STAG2: variants seen among roughly 807,000 people sequenced by gnomAD.
STAG2 encodes the protein cohesin subunit SA-2.
STAG2 carries 14 observed loss-of-function variants against 108.1 expected under a neutral mutation model. The ratio of observed to expected loss-of-function variants is 0.13; its 90% CI spans 0.09 to 0.20. The LOEUF is 0.20. STAG2 is among the 10% of genes least tolerant of loss of function. STAG2 has a pLI of 1.00. For synonymous variants in STAG2, 307 were observed against 302.7 expected (o/e 1.01, Z -0.15); for missense variants, 440 against 940.9 (o/e 0.47, Z 6.96).
upstream of STAG2, chrX:123,961,176 C>G (rs928349351): frequency 4.7e-5 from 5 of 107,148 alleles, no homozygotes; most frequent in South Asian, 4.2e-4. Flanking sequence ...TTCCAGCCCC[C>G]CTTCCTCCCT....
chrX:124,099,076 TTC>T (rs1219898418), intron 34 of STAG2, among the ~76,000 whole-genome samples: 1 of 111,980 alleles, frequency 8.9e-6, no homozygotes, highest in Non-Finnish European at 1.9e-5. Context: ...TGTGTTGAGA[TTC>T]TCTTATTAGA....
At chrX:124,064,493 G>A (rs906461346) in intron 20 of STAG2, among the ~76,000 whole-genome samples, 1 of 107,283 alleles carries the variant, frequency 9.3e-6, no homozygotes, top group Admixed American at 9.9e-5. Flanking sequence ...GCCCAGGCTG[G>A]AGCGCAGTGG....
At chrX:124,014,885 G>A (rs2056650499) in intron 1 of STAG2, among the ~76,000 whole-genome samples, 1 of 109,271 alleles carries the variant, frequency 9.2e-6, no homozygotes, top group Admixed American at 9.8e-5. Flanking sequence ...ATATGTGGTA[G>A]CTGTAATGTG....
At chrX:123,984,039 C>T (rs1445951100) in intron 1 of STAG2, among the ~76,000 whole-genome samples, 1 of 91,452 alleles carries the variant, frequency 1.1e-5, no homozygotes, top group Non-Finnish European at 2.0e-5. Context: ...AGTACAATGG[C>T]GCGATCTTGG....
chrX:123,971,208 C>G (rs1031790379), intron 1 of STAG2, among the ~76,000 whole-genome samples: 4 of 111,602 alleles, frequency 3.6e-5, no homozygotes, highest in African/African-American at 1.3e-4. Context: ...GGCAGGTGGA[C>G]CACCTGAGGT....
Position 124,047,522 on chromosome X carries a change from A to G in STAG2, c.819+17A>G. 1 of 1,195,560 alleles carries G rather than the reference A, an allele frequency of 8.4e-7. No homozygotes were observed. Among genetic ancestry groups the G allele is most frequent in the Non-Finnish European group, 1.1e-6 (1 of 885,674 alleles). Reference sequence around the variant, plus strand: ...CGGAAAGAGGTAAACTTTTATATTGAATATTTAGGCTATTGTGTGACCAAC... The same window carrying G: ...CGGAAAGAGGTAAACTTTTATATTGGATATTTAGGCTATTGTGTGACCAAC... On this transcript the variant is annotated intron_variant, in intron 9 of 34. Coordinates refer to ENST00000371145, the MANE Select transcript of STAG2 (RefSeq NM_001042750.2).
At chrX:123,965,483 G>T (rs1172516408) in intron 1 of STAG2, among the ~76,000 whole-genome samples, 2 of 111,704 alleles carry the variant, frequency 1.8e-5, no homozygotes, top group Non-Finnish European at 3.8e-5. Flanking sequence ...GGGCTTGGGG[G>T]ACAGGCTAAG....
intron 30 of STAG2, 88 bp from the exon 31 acceptor site, chrX:124,090,487 C>G: frequency 2.6e-6 from 2 of 771,590 alleles, no homozygotes; most frequent in Admixed American, 2.7e-5. Context: ...TGGAAATCAA[C>G]AGATGTTTAT....
chrX:123,995,031 T>C (rs1168289742), intron 1 of STAG2, among the ~76,000 whole-genome samples: 1 of 112,099 alleles, frequency 8.9e-6, no homozygotes, highest in Non-Finnish European at 1.9e-5. Context: ...TGCAAACTCC[T>C]ATTTTTAGCA....
chrX:123,976,634 G>A (rs2054633635), intron 1 of STAG2, among the ~76,000 whole-genome samples: 1 of 111,592 alleles, frequency 9.0e-6, no homozygotes. Flanking sequence ...TTACATTAAT[G>A]ATAAAGTTTG....
At chrX:124,080,205 A>G (rs191126492) in intron 27 of STAG2, among the ~76,000 whole-genome samples, 48 of 111,318 alleles carry the variant, frequency 4.3e-4, no homozygotes, top group Admixed American at 1.9e-3. Flanking sequence ...ATGCTGTACA[A>G]TAGATCTTCA....
rs1216886301 is a variant in STAG2, at chrX:124,085,132, A to C, written c.3054-1415A>C. 2.7e-5 allele frequency among the ~76,000 whole-genome samples: 3 copies of C among 112,371 alleles called. No individual in the cohort carries two copies. In the Admixed American group the frequency reaches 2.8e-4, roughly 11 times the overall value. ...GATATATAATGGAATACCATACAAC[A>C]GTAAAAATAGCTGGATTTCATTGAG... is the stretch of plus-strand genomic sequence containing the variant. On this transcript the variant is annotated intron_variant, in intron 29 of 34. Coordinates refer to ENST00000371145, the MANE Select transcript of STAG2 (RefSeq NM_001042750.2).
At chrX:124,060,241 C>A (rs905583826) in intron 15 of STAG2, among the ~76,000 whole-genome samples, 2 of 110,973 alleles carry the variant, frequency 1.8e-5, no homozygotes, top group Admixed American at 1.9e-4. Context: ...GTGATTCTCC[C>A]ACCTCAGCCT....
In STAG2 at chrX:124,102,189, T is replaced by G. The variant is rs941130201; in HGVS notation, c.*1592T>G. ...AATGAATCCAGACTTGTCTAACAGA[T>G]TTTCCATCAACAAATATTGTTATGT... On this transcript the variant is annotated 3_prime_UTR_variant, in exon 35 of 35. Transcript: ENST00000371145. 2.5e-5 allele frequency: 4 copies of G among 158,242 alleles called. No individual in the cohort carries two copies. Among genetic ancestry groups the G allele is most frequent in the Non-Finnish European group, 4.9e-5 (4 of 81,034 alleles). The allele number at this position is 158,242 out of a possible 1,213,427, so 13.0% of individuals were successfully genotyped here. A position where few individuals can be genotyped will look rare whatever the true frequency, so the allele number is the denominator to read the frequency against.
Position 124,056,956 on chromosome X carries a change from G to A in STAG2, c.1304+721G>A, listed in dbSNP as rs143882383. On this transcript the variant is annotated intron_variant, in intron 14 of 34. Coordinates refer to ENST00000371145, the MANE Select transcript of STAG2 (RefSeq NM_001042750.2). ...CCCAGGCTGGAGTGTGCAGTGGTGC[G>A]ATCTCAGCTCACTGTAACCAACCTC... Among the ~76,000 whole-genome samples, 656 of 107,580 alleles carry A rather than the reference G, an allele frequency of 6.1e-3. 10 individuals are homozygous for A. Among genetic ancestry groups the A allele is most frequent in the African/African-American group, 0.021 (628 of 29,553 alleles). 93.4% of individuals were successfully genotyped at this position (107,580 alleles called of 115,157 possible). A position where few individuals can be genotyped will look rare whatever the true frequency, so the allele number is the denominator to read the frequency against.
intron 1 of STAG2, among the ~76,000 whole-genome samples, chrX:124,006,484 G>A (rs964716196): frequency 9.7e-6 from 1 of 102,921 alleles, no homozygotes; most frequent in Non-Finnish European, 2.0e-5. Flanking sequence ...TGTTGCCCAG[G>A]CTGGAGTGCA....
At position 124,100,707 on chromosome X, in the gene STAG2, T is replaced by G; in HGVS notation, c.*110T>G. On this transcript the variant is annotated 3_prime_UTR_variant, in exon 35 of 35. Transcript: ENST00000371145. The stretch of plus-strand genomic sequence containing the variant: ...TGTACAGATTTTTCTCTAAGGAGAA[T>G]ATGACATGCTTATGCTTACCAAGAT... 1.6e-6 allele frequency: 1 copy of G among 625,833 alleles called. No individual in the cohort carries two copies. The highest frequency in any genetic ancestry group is 3.5e-5 in the East Asian group (1 of 28,850). The allele number at this position is 625,833 out of a possible 1,213,427, so 51.6% of individuals were successfully genotyped here.
chrX:124,023,505 CA>C (rs1475345225), intron 3 of STAG2, among the ~76,000 whole-genome samples: 1 of 111,020 alleles, frequency 9.0e-6, no homozygotes, highest in Admixed American at 9.6e-5. Context: ...CTTCTGGGAC[CA>C]AATACATTCA....
intron 1 of STAG2, among the ~76,000 whole-genome samples, chrX:123,989,128 T>A (rs1175057398): frequency 8.9e-6 from 1 of 112,022 alleles, no homozygotes; most frequent in African/African-American, 3.2e-5. Flanking sequence ...CCGGTAGACT[T>A]AATGAGTTTT....
Sources: gnomAD v4.1 joint callset for allele counts (sites outside exome capture counted in the v4.1 genomes callset) on GRCh38, gnomAD v4.1.1 for gene constraint, MANE v1.5 for transcripts, NCBI Gene and HGNC (gene_info 2026-07-23, HGNC 2026-07-21) for gene names.